EYA2: variants seen among roughly 807,000 people sequenced by gnomAD.
The protein encoded by EYA2 is protein phosphatase EYA2.
A neutral mutation model predicts 69.2 loss-of-function variants in EYA2; 31 were observed. The ratio of observed to expected loss-of-function variants is 0.45; its 90% CI spans 0.34 to 0.60. The LOEUF is 0.60. Among genes scored for constraint, EYA2 ranks in the 20% least tolerant of loss-of-function variants. The pLI, the probability that EYA2 is intolerant of heterozygous loss-of-function variation, is 0.02. For missense variants in EYA2, 622 were observed against 701.2 expected, an observed-to-expected ratio of 0.89 and a Z score of 1.28; for synonymous variants, 257 against 279.4, an observed-to-expected ratio of 0.92 and a Z score of 0.80.
intron 5 of EYA2, among the ~76,000 whole-genome samples, chr20:47,055,126 T>C (rs1056738642): frequency 5.3e-5 from 8 of 152,146 alleles, no homozygotes; most frequent in African/African-American, 1.9e-4. Flanking sequence ...AAAGCAGTCA[T>C]TGTGGTCAGG....
chr20:47,160,857 G>A, intron 10 of EYA2: 1 of 249,842 alleles, frequency 4.0e-6, no homozygotes, highest in South Asian at 8.2e-5. Context: ...AGCCACAGCT[G>A]GAGCCTGAGT....
chr20:47,002,593 A>G (rs1425873576), intron 3 of EYA2, among the ~76,000 whole-genome samples: 1 of 152,016 alleles, frequency 6.6e-6, no homozygotes, highest in Admixed American at 6.6e-5. Flanking sequence ...CAATTTCTTT[A>G]CCCAGTCTAT....
At chr20:47,039,758 G>A (rs908300500) in intron 5 of EYA2, among the ~76,000 whole-genome samples, 4 of 149,400 alleles carry the variant, frequency 2.7e-5, no homozygotes, top group Non-Finnish European at 3.0e-5. Flanking sequence ...GCTGTTAACT[G>A]TGTGACTGTG....
chr20:47,096,492 CT>C (rs2032250623), intron 8 of EYA2, among the ~76,000 whole-genome samples: 1 of 152,060 alleles, frequency 6.6e-6, no homozygotes, highest in Non-Finnish European at 1.5e-5. Flanking sequence ...GTTTGTTTAC[CT>C]TTTTAGCCAA....
chr20:47,142,769 A>G (rs1568804965), intron 9 of EYA2, among the ~76,000 whole-genome samples: 2 of 152,252 alleles, frequency 1.3e-5, no homozygotes, highest in African/African-American at 4.8e-5. Context: ...CATATCTGTG[A>G]TAAGTGTCCT....
intron 5 of EYA2, among the ~76,000 whole-genome samples, chr20:47,071,419 G>A (rs769921842): frequency 1.3e-5 from 2 of 152,104 alleles, no homozygotes; most frequent in East Asian, 1.9e-4. Context: ...TAGAACTCTC[G>A]TGAATTCCTA....
At chr20:47,113,645 A>G (rs1233940551) in intron 9 of EYA2, among the ~76,000 whole-genome samples, 2 of 152,090 alleles carry the variant, frequency 1.3e-5, no homozygotes, top group Non-Finnish European at 2.9e-5. Flanking sequence ...TTAGAAACGA[A>G]CCTCAGATCA....
At chr20:46,924,978 T>A (rs1382247713) in intron 1 of EYA2, among the ~76,000 whole-genome samples, 4 of 152,194 alleles carry the variant, frequency 2.6e-5, no homozygotes, top group African/African-American at 9.6e-5. Flanking sequence ...AGAGCCGTTC[T>A]CCCTGAGCCT....
intron 5 of EYA2, among the ~76,000 whole-genome samples, chr20:47,054,499 A>C (rs1246213922): frequency 6.6e-6 from 1 of 152,162 alleles, no homozygotes; most frequent in Non-Finnish European, 1.5e-5. Flanking sequence ...GTTTCTGAGC[A>C]TGTGTGGGGG....
chr20:46,979,743 G>A (rs1047028173), intron 1 of EYA2: 2 of 152,178 alleles, frequency 1.3e-5, no homozygotes, highest in African/African-American at 4.8e-5. Flanking sequence ...TGGTTTCCGG[G>A]TGATCCTGAT....
At chr20:47,156,699 C>T (rs1600752515) in intron 10 of EYA2, among the ~76,000 whole-genome samples, 1 of 151,990 alleles carries the variant, frequency 6.6e-6, no homozygotes, top group African/African-American at 2.4e-5. Context: ...CTCTTTAGCG[C>T]TCTTAAGATA....
chr20:46,897,479 G>A (rs551711950), intron 1 of EYA2, among the ~76,000 whole-genome samples: 7 of 152,248 alleles, frequency 4.6e-5, no homozygotes, highest in African/African-American at 1.7e-4. Flanking sequence ...AACTTGCATC[G>A]GGCGCAAGAG....
chr20:47,172,755 C>T lies in EYA2; in HGVS notation c.1086C>T (p.Ala362=), dbSNP rs1439070599. Residue 362 remains alanine, a synonymous_variant, in exon 12 of 16, where the codon GCC becomes GCT. Transcript: ENST00000327619. The part of the protein sequence containing the change: ...ADGFHSSAPG[A]NLCLGSGVHG... Reference sequence around the variant, plus strand: ...GCTTCCACAGTTCGGCCCCAGGAGCCAACCTGTGCCTGGGCTCTGGCGTGC... The same window carrying T: ...GCTTCCACAGTTCGGCCCCAGGAGCTAACCTGTGCCTGGGCTCTGGCGTGC... The T allele has an allele frequency of 6.2e-7, 1 of 1,614,128 alleles. No individual in the cohort carries two copies. The highest frequency in any genetic ancestry group is 1.7e-5 in the Admixed American group (1 of 60,012).
chr20:47,166,393 TAAAAAAAAAAAAAAAAAAA>T (rs370944686), intron 10 of EYA2, among the ~76,000 whole-genome samples: 2,167 of 34,538 alleles, frequency 0.063, 131 homozygotes, highest in African/African-American at 0.14. Context: ...CAAGACTGTC[TAAAAAAAAAAAAAAAAAAA>T]AAAAAAAAAA....
intron 1 of EYA2, among the ~76,000 whole-genome samples, chr20:46,969,226 T>G (rs6063047): frequency 0.58 from 87,418 of 151,754 alleles, 28,048 homozygotes; most frequent in Non-Finnish European, 0.74. Context: ...TTGGTTTTTT[T>G]TTTGTTTGTT....
chr20:47,174,748 G>A (rs1322233902), intron 12 of EYA2, among the ~76,000 whole-genome samples: 1 of 152,230 alleles, frequency 6.6e-6, no homozygotes, highest in Non-Finnish European at 1.5e-5. Flanking sequence ...CAACGGTGTT[G>A]CTTGAAAGCA....
chr20:47,099,936 T>C (rs1273164460), intron 9 of EYA2, among the ~76,000 whole-genome samples: 7 of 152,192 alleles, frequency 4.6e-5, no homozygotes, highest in Admixed American at 4.6e-4. Flanking sequence ...AATTGCTCAA[T>C]AAATATTTGT....
At chr20:47,160,605 G>A (rs1169337505) in intron 10 of EYA2, among the ~76,000 whole-genome samples, 1 of 152,134 alleles carries the variant, frequency 6.6e-6, no homozygotes, top group Non-Finnish European at 1.5e-5. Context: ...AGAGAGAGGA[G>A]ACGGGGATAA....
chr20:46,915,549 T>C (rs1984864558), intron 1 of EYA2, among the ~76,000 whole-genome samples: 2 of 152,176 alleles, frequency 1.3e-5, no homozygotes, highest in Admixed American at 1.3e-4. Flanking sequence ...GATCTCTTGA[T>C]TCCAGGCCCA....
Sources: allele counts gnomAD v4.1 joint callset (sites outside exome capture counted in the v4.1 genomes callset), GRCh38; gene constraint gnomAD v4.1.1; transcripts MANE v1.5; gene names NCBI Gene and HGNC (gene_info 2026-07-23, HGNC 2026-07-21).